DGKB: variants seen among roughly 807,000 people sequenced by gnomAD.
The protein encoded by DGKB is diacylglycerol kinase beta, also known as 90 kDa diacylglycerol kinase.
Under a neutral mutation model 114.3 loss-of-function variants are expected in DGKB, and 67 were observed. The observed-to-expected ratio is 0.59, with a 90% CI of 0.48 to 0.72. The LOEUF (loss-of-function observed/expected upper bound fraction) is 0.72, where lower values mean the gene tolerates loss of function less well. DGKB is among the 30% of genes least tolerant of loss of function. DGKB has a pLI of 0.00. For missense variants in DGKB, 907 were observed against 975.2 expected (o/e 0.93, Z 0.93); for synonymous variants, 398 against 323.1 (o/e 1.23, Z -2.49).
rs550098218 is a variant in DGKB, at chr7:14,649,159, T to A, written c.1135-18891A>T. Among the ~76,000 whole-genome samples the A allele has an allele frequency of 5.3e-4, 66 of 123,642 alleles. 1 individual carries two copies. Among genetic ancestry groups the A allele is most frequent in the African/African-American group, 2.0e-3 (64 of 32,214 alleles). The allele number at this position is 123,642 out of a possible 152,430, so 81.1% of individuals were successfully genotyped here. A position where few individuals can be genotyped will look rare whatever the true frequency, so the allele number is the denominator to read the frequency against. ...AATACAGAGAACGCCACAAAGATAC[T>A]CCTCGAGAAGGGCAACTGTAAGACA... On this transcript the variant is annotated intron_variant, in intron 13 of 25. Coordinates refer to ENST00000402815, the MANE Select transcript of DGKB (RefSeq NM_001350709.2).
Position 14,345,365 on chromosome 7 carries a change from T to C in DGKB, c.1862A>G (p.Glu621Gly). ...TGAGAAAGTTTCAGATGTGCCAAACTCAAAATACCAAAATTTGTTCTTCAT... is the reference window on the plus strand; with the variant it reads ...TGAGAAAGTTTCAGATGTGCCAAACCCAAAATACCAAAATTTGTTCTTCAT... Reference protein sequence around the residue: ...SRMKNKFWYFEFGTSETFSAT... With the variant: ...SRMKNKFWYFGFGTSETFSAT... The change falls in exon 22 of 26, where the codon GAG becomes GGG. Residue 621 changes from glutamate (E) to glycine (G), a missense_variant. This residue lies in a region of DGKB where 814 missense variants were observed against 856.6 expected (regional missense o/e 0.95). Coordinates refer to ENST00000402815, the MANE Select transcript of DGKB (RefSeq NM_001350709.2). 1 of 1,543,414 alleles carries C rather than the reference T, an allele frequency of 6.5e-7. No homozygotes were observed. Among genetic ancestry groups the C allele is most frequent in the Non-Finnish European group, 8.8e-7 (1 of 1,142,412 alleles).
chr7:14,693,009 C>T (rs148152194), intron 9 of DGKB, among the ~76,000 whole-genome samples: 1 of 152,174 alleles, frequency 6.6e-6, no homozygotes, highest in Non-Finnish European at 1.5e-5. Context: ...TCATATGTTT[C>T]ACAAACACAG....
intron 23 of DGKB, among the ~76,000 whole-genome samples, chr7:14,310,403 C>T (rs752737691): frequency 3.0e-4 from 46 of 152,160 alleles, no homozygotes; most frequent in Middle Eastern, 3.4e-3. Context: ...ATGTAGATTT[C>T]GCAATGAGAA....
At chr7:14,493,402 C>T in intron 20 of DGKB, among the ~76,000 whole-genome samples, 1 of 151,940 alleles carries the variant, frequency 6.6e-6, no homozygotes, top group Non-Finnish European at 1.5e-5. Flanking sequence ...ATAACAATAA[C>T]TAATAATAAA....
intron 20 of DGKB, among the ~76,000 whole-genome samples, chr7:14,540,015 T>G (rs1793161403): frequency 6.6e-6 from 1 of 152,078 alleles, no homozygotes; most frequent in Admixed American, 6.6e-5. Context: ...TATATACTAC[T>G]CATTTGTGGA....
intron 23 of DGKB, among the ~76,000 whole-genome samples, chr7:14,297,129 A>G (rs868822447): frequency 1.3e-5 from 2 of 152,198 alleles, no homozygotes; most frequent in Admixed American, 6.5e-5. Flanking sequence ...CCAGAGGTAC[A>G]AAGAGATCTG....
At position 14,938,903 on chromosome 7, in the gene DGKB, A is replaced by G. The variant is rs371152059; in HGVS notation, c.-188+35793T>C. Among the ~76,000 whole-genome samples, 47 of 152,286 alleles carry G rather than the reference A, an allele frequency of 3.1e-4. No individual in the cohort carries two copies. In the East Asian group the frequency reaches 7.2e-3, roughly 23 times the overall value. On this transcript the variant is annotated intron_variant, in intron 1 of 4. Transcript: ENST00000437998. ...CTACCATGTAATTAATACCTGTATG[A>G]CCTTGGTCATGTGATCTAACCTCTT... is the stretch of plus-strand genomic sequence containing the variant.
At chr7:14,373,843 TTTTTTCA>T (rs1215463218) in intron 21 of DGKB, among the ~76,000 whole-genome samples, 1 of 152,152 alleles carries the variant, frequency 6.6e-6, no homozygotes, top group East Asian at 1.9e-4. Flanking sequence ...CGTGCTTTCA[TTTTTTCA>T]TTTTTCATTT....
chr7:14,471,867 A>C (rs1176701799), intron 21 of DGKB, among the ~76,000 whole-genome samples: 1 of 152,144 alleles, frequency 6.6e-6, no homozygotes, highest in African/African-American at 2.4e-5. Flanking sequence ...ATGTTCCACA[A>C]ACTGTGTAGT....
At chr7:14,490,451 C>T (rs1584347708) in intron 20 of DGKB, among the ~76,000 whole-genome samples, 2 of 152,236 alleles carry the variant, frequency 1.3e-5, no homozygotes, top group African/African-American at 4.8e-5. Flanking sequence ...CAGCCACGTG[C>T]CCAGCTAATA....
intron 16 of DGKB, among the ~76,000 whole-genome samples, chr7:14,609,670 G>A (rs1324780504): frequency 6.6e-6 from 1 of 151,380 alleles, no homozygotes; most frequent in African/African-American, 2.4e-5. Flanking sequence ...TTAAATCAAT[G>A]GGAAAAAAAC....
intron 23 of DGKB, among the ~76,000 whole-genome samples, chr7:14,227,693 G>T (rs907842381): frequency 6.6e-6 from 1 of 151,902 alleles, no homozygotes; most frequent in Non-Finnish European, 1.5e-5. Flanking sequence ...AATACTAAAA[G>T]CATGGAACAA....
At chr7:14,561,886 G>A (rs117383058) in intron 20 of DGKB, among the ~76,000 whole-genome samples, 7,653 of 152,294 alleles carry the variant, frequency 0.05, 265 homozygotes, top group Middle Eastern at 0.095. Flanking sequence ...AAGTAACAAG[G>A]AGCCCAATGT....
chr7:14,748,783 C>T (rs1211520710), intron 4 of DGKB, among the ~76,000 whole-genome samples: 1 of 152,168 alleles, frequency 6.6e-6, no homozygotes, highest in Non-Finnish European at 1.5e-5. Context: ...AGCCTATCAT[C>T]AGTTTTTATG....
chr7:14,621,684 C>T (rs187597797), intron 14 of DGKB, among the ~76,000 whole-genome samples, 190 bp from the exon 15 acceptor site: 4 of 152,016 alleles, frequency 2.6e-5, no homozygotes, highest in African/African-American at 7.2e-5. Context: ...GCTTCATGAT[C>T]GAACCACCAT....
chr7:14,799,896 C>A (rs1841919279), intron 2 of DGKB, among the ~76,000 whole-genome samples: 1 of 151,892 alleles, frequency 6.6e-6, no homozygotes, highest in Non-Finnish European at 1.5e-5. Context: ...GATGCAAGGG[C>A]CTGCATATAA....
At chr7:14,799,294 C>T (rs565985268) in intron 2 of DGKB, among the ~76,000 whole-genome samples, 1 of 152,294 alleles carries the variant, frequency 6.6e-6, no homozygotes, top group Non-Finnish European at 1.5e-5. Flanking sequence ...TTCTCACTGT[C>T]CTACCTCAGG....
chr7:14,360,044 C>T (rs995634068), intron 21 of DGKB, among the ~76,000 whole-genome samples: 2 of 151,914 alleles, frequency 1.3e-5, no homozygotes, highest in African/African-American at 2.4e-5. Context: ...ATTCACAATA[C>T]AAAGACTTGG....
intron 23 of DGKB, among the ~76,000 whole-genome samples, chr7:14,324,191 G>C (rs1351490241): frequency 2.0e-5 from 3 of 152,140 alleles, no homozygotes; most frequent in Non-Finnish European, 4.4e-5. Flanking sequence ...GCTCATGCCT[G>C]TAATCCCAGC....
Sources: gnomAD v4.1 joint callset for allele counts (sites outside exome capture counted in the v4.1 genomes callset) on GRCh38, gnomAD v4.1.1 for gene constraint, gnomAD v4.1.1 regional missense constraint, MANE v1.5 for transcripts, NCBI Gene and HGNC (gene_info 2026-07-23, HGNC 2026-07-21) for gene names.